ACAP2: variants seen among roughly 807,000 people sequenced by gnomAD.
ACAP2 encodes the protein ArfGAP with coiled-coil, ankyrin repeat and PH domains 2, also known as arf-GAP with coiled-coil, ANK repeat and PH domain-containing protein 2.
In ACAP2, 39 loss-of-function variants were observed where a neutral mutation model predicts 115.8. The observed-to-expected ratio is 0.34, with a 90% CI of 0.26 to 0.44. The LOEUF (loss-of-function observed/expected upper bound fraction) is 0.44, where lower values mean the gene tolerates loss of function less well. Among genes scored for constraint, ACAP2 ranks in the 20% least tolerant of loss-of-function variants. ACAP2 has a pLI of 1.00. For synonymous variants in ACAP2, 289 were observed against 315.8 expected (o/e 0.92, Z 0.90); for missense variants, 662 against 927.6 (o/e 0.71, Z 3.72).
chr3:195,417,392 G>C (rs1192462797), intron 1 of ACAP2, among the ~76,000 whole-genome samples: 1 of 152,052 alleles, frequency 6.6e-6, no homozygotes, highest in Admixed American at 6.6e-5. Context: ...AGTTGCTCAA[G>C]ACATAAATCT....
At chr3:195,356,834 A>AAC (rs1732004046) in intron 4 of ACAP2, among the ~76,000 whole-genome samples, 3 of 151,904 alleles carry the variant, frequency 2.0e-5, no homozygotes, top group Admixed American at 6.6e-5. Context: ...GCAACCAAGT[A>AAC]ACACACACTG....
Position 195,440,365 on chromosome 3 carries a change from T to C in ACAP2, c.53+2430A>G, listed in dbSNP as rs148720281. 1.5e-3 allele frequency among the ~76,000 whole-genome samples: 233 copies of C among 152,342 alleles called. 2 individuals carry two copies. The highest frequency in any genetic ancestry group is 5.2e-3 in the African/African-American group (218 of 41,572). On this transcript the variant is annotated intron_variant, in intron 1 of 22. Coordinates refer to ENST00000326793, the MANE Select transcript of ACAP2 (RefSeq NM_012287.6). ...AACCAGTCCCCTTGTATTCTCCTCA[T>C]TGATTTAACAGGAAAATAGATGTTT...
At chr3:195,321,476 A>G (rs982180092) in intron 9 of ACAP2, among the ~76,000 whole-genome samples, 1 of 151,864 alleles carries the variant, frequency 6.6e-6, no homozygotes, top group African/African-American at 2.4e-5. Context: ...AGTCTCCCAA[A>G]GTGCTGGGAT....
rs148058534 is a variant in ACAP2 at position 195,342,518 on chromosome 3, C to T, written c.481G>A (p.Ala161Thr). The change falls in exon 6 of 23, where the codon GCA becomes ACA. Residue 161 changes from alanine (A) to threonine (T), a missense_variant. Physicochemically the swap from Ala to Thr is moderately conservative, Grantham distance 58 (BLOSUM62 0). Transcript: ENST00000326793. ...ATGTGTCGGAAACATTTTCTTGTTG[C>T]TGTCAGAATGTTGGTGGCTTCTTCA... The part of the protein sequence containing the change: ...EVEEATNILT[A>T]TRKCFRHIAL... 9.3e-6 allele frequency: 15 copies of T among 1,610,982 alleles called. No individual in the cohort carries two copies. The highest frequency in any genetic ancestry group is 1.3e-5 in the African/African-American group (1 of 74,636).
rs561098631 is a variant in ACAP2 at position 195,285,843 on chromosome 3, C to A, written c.2189G>T (p.Arg730Ile). The change falls in exon 22 of 23, where the codon AGA becomes ATA. Residue 730 changes from arginine (R) to isoleucine (I), a missense_variant. This residue lies in a region of ACAP2 where 128 missense variants were observed against 200.2 expected (regional missense o/e 0.64). Coordinates refer to ENST00000326793, the MANE Select transcript of ACAP2 (RefSeq NM_012287.6). ...TGATTCCCGCATCTCTTCATTCATT[C>A]TTGCTAAACGTAACCTAAAAATAAA... ...ADIVTLLRLARMNEEMRESEG... is the reference protein window; with the variant it reads ...ADIVTLLRLAIMNEEMRESEG... 1.9e-6 allele frequency: 3 copies of A among 1,611,738 alleles called. No individual in the cohort carries two copies. In the African/African-American group the frequency reaches 4.0e-5, roughly 21 times the overall value.
chr3:195,358,641 T>C (rs1192957859), intron 4 of ACAP2, among the ~76,000 whole-genome samples: 2 of 151,944 alleles, frequency 1.3e-5, no homozygotes, highest in African/African-American at 4.8e-5. Flanking sequence ...GAAGAAAGAA[T>C]TCCTGAGACT....
chr3:195,301,991 A>G lies in ACAP2; in HGVS notation c.1300T>C (p.Cys434Arg), dbSNP rs1243350120. 1 of 1,613,548 alleles carries G rather than the reference A, an allele frequency of 6.2e-7. No individual in the cohort carries two copies. Among genetic ancestry groups the G allele is most frequent in the Non-Finnish European group, 8.5e-7 (1 of 1,180,038 alleles). ...CGGTGAATTCCGGAGCACTCGATAC[A>G]CAAGGTGATGCCCAGGTTGATGCTG... ...WASINLGITL[C>R]IECSGIHRSL... is the part of the protein sequence containing the mutation. The change falls in exon 14 of 23, where the codon TGT becomes CGT. Residue 434 changes from cysteine (C) to arginine (R), a missense_variant. This residue lies in a region of ACAP2 where 401 missense variants were observed against 604.4 expected (regional missense o/e 0.66). Coordinates refer to ENST00000326793, the MANE Select transcript of ACAP2 (RefSeq NM_012287.6).
chr3:195,322,482 AT>A (rs1729513597), intron 9 of ACAP2, among the ~76,000 whole-genome samples: 1 of 152,158 alleles, frequency 6.6e-6, no homozygotes, highest in African/African-American at 2.4e-5. Context: ...AGAAAAAAAA[AT>A]AACCTCTCCT....
At chr3:195,439,828 T>G (rs1004361430) in intron 1 of ACAP2, among the ~76,000 whole-genome samples, 1 of 152,096 alleles carries the variant, frequency 6.6e-6, no homozygotes, top group Non-Finnish European at 1.5e-5. Context: ...GGTTTTACCA[T>G]GTTGGCCAGG....
At chr3:195,423,364 T>C (rs1240192734) in intron 1 of ACAP2, among the ~76,000 whole-genome samples, 1 of 152,160 alleles carries the variant, frequency 6.6e-6, no homozygotes, top group African/African-American at 2.4e-5. Context: ...GGCTCATGCC[T>C]CTAATCCCAG....
At chr3:195,290,535 G>A (rs1727170764) in intron 20 of ACAP2, among the ~76,000 whole-genome samples, 1 of 152,084 alleles carries the variant, frequency 6.6e-6, no homozygotes, top group Admixed American at 6.5e-5. Flanking sequence ...ACATGGCCGT[G>A]CGCAGTGGCT....
chr3:195,297,549 GTATC>G (rs562342630), intron 15 of ACAP2, among the ~76,000 whole-genome samples: 54 of 152,228 alleles, frequency 3.5e-4, no homozygotes, highest in African/African-American at 1.2e-3. Context: ...GTTTATCTAT[GTATC>G]TATCTAGCCA....
intron 1 of ACAP2, among the ~76,000 whole-genome samples, chr3:195,436,025 A>G (rs1473700671): frequency 6.6e-6 from 1 of 152,042 alleles, no homozygotes. Flanking sequence ...GAGCTCAGCT[A>G]AGTGAATATA....
intron 8 of ACAP2, among the ~76,000 whole-genome samples, chr3:195,332,633 C>T (rs1314724207): frequency 6.6e-6 from 1 of 152,126 alleles, no homozygotes; most frequent in African/African-American, 2.4e-5. Flanking sequence ...CCCCATAATC[C>T]TCACGTGTCA....
At chr3:195,353,769 A>T (rs200486627) in intron 4 of ACAP2, among the ~76,000 whole-genome samples, 2 of 74,938 alleles carry the variant, frequency 2.7e-5, no homozygotes, top group Non-Finnish European at 5.1e-5. Flanking sequence ...TAAAGTTGTT[A>T]AAAAAACATC....
chr3:195,329,203 T>C (rs760564502), intron 8 of ACAP2, among the ~76,000 whole-genome samples: 145 of 152,120 alleles, frequency 9.5e-4, no homozygotes, highest in African/African-American at 1.4e-3. Context: ...TTCATGATGG[T>C]TGGAGTTTGG....
At position 195,381,067 on chromosome 3, in the gene ACAP2, G is replaced by A; in HGVS notation, c.232-5C>T. The A allele has an allele frequency of 6.3e-7, 1 of 1,589,184 alleles. No homozygotes were observed. Among genetic ancestry groups the A allele is most frequent in the African/African-American group, 1.4e-5 (1 of 73,210 alleles). On this transcript the variant is annotated splice_region_variant and splice_polypyrimidine_tract_variant and intron_variant, in intron 3 of 22. Transcript: ENST00000326793. ...AGAAAACTTGGTCAAACTTGTCTAT[G>A]AGAAAAAAAGCAAAAGAAAACCAAA...
chr3:195,418,672 C>A (rs1014366576), intron 1 of ACAP2, among the ~76,000 whole-genome samples: 1 of 152,190 alleles, frequency 6.6e-6, no homozygotes, highest in African/African-American at 2.4e-5. Flanking sequence ...TCAAGCAATC[C>A]TCCCACCACG....
intron 20 of ACAP2, among the ~76,000 whole-genome samples, chr3:195,290,841 TAAATAAATAATA>T (rs914688185): frequency 1.3e-4 from 16 of 126,114 alleles, no homozygotes; most frequent in African/African-American, 4.3e-4. Flanking sequence ...AATAAATAAA[TAAATAAATAATA>T]AATAAATAAA....
Sources: gnomAD v4.1 joint callset for allele counts (sites outside exome capture counted in the v4.1 genomes callset) on GRCh38, gnomAD v4.1.1 for gene constraint, gnomAD v4.1.1 regional missense constraint, MANE v1.5 for transcripts, NCBI Gene and HGNC (gene_info 2026-07-23, HGNC 2026-07-21) for gene names.